Variants in LCA5L observed in about 807,000 individuals in gnomAD.
LCA5L encodes the protein lebercilin-like protein.
Under a neutral mutation model 45.4 loss-of-function variants are expected in LCA5L, and 35 were observed. The ratio of observed to expected loss-of-function variants is 0.77; its 90% confidence interval spans 0.59 to 1.02. The LOEUF (loss-of-function observed/expected upper bound fraction) is 1.02, where lower values mean the gene tolerates loss of function less well. Among genes scored for constraint, LCA5L ranks in the 50% least tolerant of loss-of-function variants. LCA5L has a pLI of 0.00. For synonymous variants in LCA5L, 233 were observed against 264.7 expected, an observed-to-expected ratio of 0.88 and a Z score of 1.16; for missense variants, 668 against 761.6, an observed-to-expected ratio of 0.88 and a Z score of 1.45.
At chr21:39,424,482 AAAAC>A (rs370681316) in intron 5 of LCA5L, among the ~76,000 whole-genome samples, 84 of 152,340 alleles carry the variant, frequency 5.5e-4, no homozygotes, top group African/African-American at 1.9e-3. Flanking sequence ...CCCTGTCTCA[AAAAC>A]AAACAAACCA....
intron 3 of LCA5L, among the ~76,000 whole-genome samples, chr21:39,430,244 G>A (rs537694213): frequency 3.3e-5 from 5 of 152,218 alleles, no homozygotes; most frequent in African/African-American, 7.2e-5. Context: ...TTGCTAATCC[G>A]CAAGAAGAAT....
At position 39,422,562 on chromosome 21, in the gene LCA5L, C is replaced by T. The variant is rs149262632; in HGVS notation, c.837+414G>A. On this transcript the variant is annotated intron_variant, in intron 6 of 10. Transcript: ENST00000288350. ...AATACAAAGGCCCTGAACGGATGCA[C>T]TGAGTAGGTTTTTAGGGAAGTAGCC... is the stretch of plus-strand genomic sequence containing the variant. 682 of 229,640 alleles carry T rather than the reference C, an allele frequency of 3.0e-3. 6 individuals are homozygous for T. The highest frequency in any genetic ancestry group is 0.015 in the African/African-American group (658 of 44,644). 14.2% of individuals were successfully genotyped at this position (229,640 alleles called of 1,614,324 possible).
At position 39,411,094 on chromosome 21, in the gene LCA5L, C is replaced by G. The variant is rs550538973; in HGVS notation, c.1060+624G>C. On this transcript the variant is annotated intron_variant, in intron 8 of 10. Transcript: ENST00000288350. ...ATAGATGAATCTCAAAAACACTATG[C>G]TGAACAAAAGCAGCCAGATACAAAA... The G allele has an allele frequency of 8.4e-4, 289 of 346,096 alleles. 1 individual carries two copies. Among genetic ancestry groups the G allele is most frequent in the Non-Finnish European group, 1.5e-3 (258 of 176,278 alleles). 21.4% of individuals were successfully genotyped at this position (346,096 alleles called of 1,614,324 possible). A position where few individuals can be genotyped will look rare whatever the true frequency, so the allele number is the denominator to read the frequency against.
chr21:39,422,550 T>C, intron 6 of LCA5L: 1 of 209,674 alleles, frequency 4.8e-6, no homozygotes, highest in East Asian at 1.1e-4. Context: ...ACAAAGGCCC[T>C]GAACGGATGC....
chr21:39,426,631 A>G (rs779418412), intron 5 of LCA5L, among the ~76,000 whole-genome samples: 57 of 152,368 alleles, frequency 3.7e-4, no homozygotes, highest in Non-Finnish European at 5.9e-4. Context: ...TGAAATAACT[A>G]AAGATCTGCT....
intron 7 of LCA5L, among the ~76,000 whole-genome samples, chr21:39,417,948 A>G (rs2041562389): frequency 6.6e-6 from 1 of 151,964 alleles, no homozygotes; most frequent in Non-Finnish European, 1.5e-5. Flanking sequence ...TGTATTTTTT[A>G]GTAGAGATGG....
In LCA5L at chr21:39,410,358, G is replaced by A. The variant is rs564963276; in HGVS notation, c.1070C>T (p.Thr357Ile). Residue 357 changes from threonine to isoleucine, a missense_variant, in exon 9 of 11, where the codon ACA becomes ATA. Transcript: ENST00000288350. ...TTTTCTGTCTGCTTGGACTGATTTT[G>A]TTGAAGAAACTATGGAACAGGTAGA... is the stretch of plus-strand genomic sequence containing the variant. The part of the protein sequence containing the change: ...DTEDYPKVSS[T>I]KSVQADRKIL... 2.5e-6 allele frequency: 4 copies of A among 1,586,634 alleles called. No homozygotes were observed. In the Admixed American group the frequency reaches 7.0e-5, roughly 28 times the overall value.
At chr21:39,434,718 A>C (rs1377987783) in intron 3 of LCA5L, among the ~76,000 whole-genome samples, 2 of 151,916 alleles carry the variant, frequency 1.3e-5, no homozygotes, top group African/African-American at 4.8e-5. Context: ...GGGTCTCACT[A>C]TGTTGCCCAG....
At chr21:39,439,630 C>A (rs2076616773) in intron 2 of LCA5L, 1 of 152,160 alleles carries the variant, frequency 6.6e-6, no homozygotes, top group African/African-American at 2.4e-5. Context: ...ACAAGATGAC[C>A]AACCTGAGAT....
chr21:39,420,246 G>A (rs535691803), intron 7 of LCA5L, among the ~76,000 whole-genome samples: 1 of 152,172 alleles, frequency 6.6e-6, no homozygotes, highest in South Asian at 2.1e-4. Context: ...TTTAGGCCAG[G>A]TGCGGTGGCT....
intron 7 of LCA5L, among the ~76,000 whole-genome samples, chr21:39,415,384 T>C (rs1365582082): frequency 6.6e-6 from 1 of 152,012 alleles, no homozygotes; most frequent in Non-Finnish European, 1.5e-5. Flanking sequence ...TATAAAAAAA[T>C]AAAAGTAGAA....
In LCA5L at chr21:39,428,507, A is replaced by G; in HGVS notation, c.-10-4T>C. 1 of 1,475,172 alleles carries G rather than the reference A, an allele frequency of 6.8e-7. No individual in the cohort carries two copies. The highest frequency in any genetic ancestry group is 9.0e-7 in the Non-Finnish European group (1 of 1,109,040). The allele number at this position is 1,475,172 out of a possible 1,614,324, so 91.4% of individuals were successfully genotyped here. A position where few individuals can be genotyped will look rare whatever the true frequency, so the allele number is the denominator to read the frequency against. On this transcript the variant is annotated splice_polypyrimidine_tract_variant and splice_region_variant and intron_variant, in intron 4 of 10. Coordinates refer to ENST00000288350, the MANE Select transcript of LCA5L (RefSeq NM_152505.4). ...AGCCAAAGACATAGCAAACAACCTA[A>G]TAAAAGAAAAGTAAAACCTAATAAA...
At chr21:39,425,133 T>C (rs1353670503) in intron 5 of LCA5L, among the ~76,000 whole-genome samples, 3 of 152,198 alleles carry the variant, frequency 2.0e-5, no homozygotes, top group African/African-American at 7.2e-5. Context: ...GAAGGAGAAA[T>C]TGAAACTGGA....
At chr21:39,438,044 T>A (rs988365410) in intron 2 of LCA5L, among the ~76,000 whole-genome samples, 1 of 151,986 alleles carries the variant, frequency 6.6e-6, no homozygotes, top group African/African-American at 2.4e-5. Flanking sequence ...CATAGAGAAA[T>A]AAATATGAAA....
chr21:39,435,860 A>G (rs1241914510), intron 2 of LCA5L, among the ~76,000 whole-genome samples: 3 of 151,896 alleles, frequency 2.0e-5, no homozygotes, highest in Non-Finnish European at 4.4e-5. Context: ...CTGGTCTCAA[A>G]CTCCTGACCT....
intron 6 of LCA5L, chr21:39,421,736 G>T (rs2073802443): frequency 6.6e-6 from 1 of 152,112 alleles, no homozygotes; most frequent in Admixed American, 6.5e-5. Flanking sequence ...AAAGCTACAA[G>T]GGGAAAGAAT....
intron 8 of LCA5L, chr21:39,410,748 A>G (rs2039952549): frequency 4.4e-6 from 2 of 452,988 alleles, no homozygotes; most frequent in African/African-American, 2.0e-5. Flanking sequence ...GCTGAAGCGC[A>G]TGACCACTAA....
chr21:39,419,961 T>A (rs943875251), intron 7 of LCA5L, among the ~76,000 whole-genome samples: 3 of 152,216 alleles, frequency 2.0e-5, no homozygotes, highest in Non-Finnish European at 2.9e-5. Context: ...TAAGTAAAAC[T>A]AAGATAAATT....
rs757833776 is a variant in LCA5L at position 39,405,898 on chromosome 21, C to T, written c.1997G>A (p.Arg666Lys). 1.3e-6 allele frequency: 2 copies of T among 1,580,028 alleles called. No individual in the cohort carries two copies. The highest frequency in any genetic ancestry group is 1.8e-5 in the Admixed American group (1 of 55,874). ...IKPSSPTEGK[R>K]KIII ...TGATTATATTTAAATAATTATTTTTCTTTTTCCTTCTGTAGGTGACGATGG... is the reference window on the plus strand; with the variant it reads ...TGATTATATTTAAATAATTATTTTTTTTTTTCCTTCTGTAGGTGACGATGG... Residue 666 changes from arginine (R) to lysine (K), a missense_variant, in exon 11 of 11, where the codon AGA (arginine) becomes AAA (lysine). Physicochemically the swap from Arg to Lys is conservative, Grantham distance 26. Transcript: ENST00000288350.
Sources: gnomAD v4.1 joint callset for allele counts (sites outside exome capture counted in the v4.1 genomes callset) on GRCh38, gnomAD v4.1.1 for gene constraint, MANE v1.5 for transcripts, NCBI Gene and HGNC (gene_info 2026-07-23, HGNC 2026-07-21) for gene names.